ERCC6L2: variants seen among roughly 807,000 people sequenced by gnomAD.
ERCC6L2 encodes DNA excision repair protein ERCC-6-like 2.
ERCC6L2 carries 77 observed loss-of-function variants against 132.0 expected under a neutral mutation model. The observed-to-expected ratio is 0.58, with a 90% CI of 0.49 to 0.71. ERCC6L2 has a LOEUF of 0.71. ERCC6L2 is among the 30% of genes least tolerant of loss of function. ERCC6L2 has a pLI of 0.00. For missense variants in ERCC6L2, 1,542 were observed against 1,837.6 expected, an observed-to-expected ratio of 0.84 and a Z score of 2.94; for synonymous variants, 583 against 632.4, an observed-to-expected ratio of 0.92 and a Z score of 1.17.
At chr9:95,973,790 A>G (rs1832540893) in intron 16 of ERCC6L2, among the ~76,000 whole-genome samples, 1 of 152,160 alleles carries the variant, frequency 6.6e-6, no homozygotes, top group South Asian at 2.1e-4. Flanking sequence ...ATTATGGTTC[A>G]GTCTCATCCA....
chr9:96,026,936 C>T (rs1449584426), intron 19 of ERCC6L2, among the ~76,000 whole-genome samples: 1 of 120,436 alleles, frequency 8.3e-6, no homozygotes, highest in African/African-American at 3.2e-5. Flanking sequence ...ACACCCCACA[C>T]ATACAACACA....
chr9:95,969,164 G>A (rs1215230291), intron 14 of ERCC6L2, among the ~76,000 whole-genome samples: 1 of 152,142 alleles, frequency 6.6e-6, no homozygotes, highest in Non-Finnish European at 1.5e-5. Context: ...CAGCAAGAGA[G>A]CAAGAGATGG....
intron 17 of ERCC6L2, among the ~76,000 whole-genome samples, chr9:96,001,957 C>A (rs1315100938): frequency 6.6e-6 from 1 of 152,256 alleles, no homozygotes. Context: ...CAGCCACTGG[C>A]CCGGGTGCTA....
intron 18 of ERCC6L2, among the ~76,000 whole-genome samples, chr9:96,009,160 C>T (rs1012350851): frequency 2.0e-5 from 3 of 152,190 alleles, no homozygotes; most frequent in Admixed American, 2.0e-4. Flanking sequence ...TTGGAATGGA[C>T]ACAATGCTGT....
chr9:95,907,024 G>T, intron 3 of ERCC6L2, 54 bp from the exon 4 acceptor site: 1 of 1,256,966 alleles, frequency 8.0e-7, no homozygotes, highest in Admixed American at 2.2e-5. Context: ...ATTTCACTTT[G>T]GGATTCTTTT....
At chr9:95,906,807 G>C in intron 3 of ERCC6L2, 1 of 508,878 alleles carries the variant, frequency 2.0e-6, no homozygotes, top group Non-Finnish European at 3.7e-6. Context: ...TCATTTCTCA[G>C]TGCCTTTTTG....
chr9:95,906,141 C>G (rs1459143085), intron 3 of ERCC6L2, among the ~76,000 whole-genome samples: 1 of 152,036 alleles, frequency 6.6e-6, no homozygotes, highest in Non-Finnish European at 1.5e-5. Context: ...GGCACAAGTC[C>G]CATTTACCTG....
Position 95,916,269 on chromosome 9 carries a change from G to T in ERCC6L2, c.993G>T (p.Lys331Asn), listed in dbSNP as rs2132709123. ...GLLGSGTYFK[K>N]QFSDPVEHGQ... ...TAGGGAGTGGGACCTACTTCAAGAAGCAGTTTTCTGACCCAGTAGAACATG... is the reference window on the plus strand; with the variant it reads ...TAGGGAGTGGGACCTACTTCAAGAATCAGTTTTCTGACCCAGTAGAACATG... Residue 331 changes from lysine (K) to asparagine (N), a missense_variant, in exon 6 of 19, where the codon AAG becomes AAT. Around this residue, in one of 4 missense-constraint regions of ERCC6L2, gnomAD observed 945 missense variants for 1,105.2 expected, o/e 0.86. Coordinates refer to ENST00000653738, the MANE Select transcript of ERCC6L2 (RefSeq NM_020207.7). 6.2e-7 allele frequency: 1 copy of T among 1,614,078 alleles called. No individual in the cohort carries two copies. Among genetic ancestry groups the T allele is most frequent in the East Asian group, 2.2e-5 (1 of 44,866 alleles).
chr9:96,006,225 C>T (rs2133208005), intron 18 of ERCC6L2, among the ~76,000 whole-genome samples: 1 of 152,334 alleles, frequency 6.6e-6, no homozygotes, highest in African/African-American at 2.4e-5. Context: ...GGAAAGAAGT[C>T]CCAGGACACA....
chr9:95,922,148 G>A (rs1052433649), intron 7 of ERCC6L2, among the ~76,000 whole-genome samples, 157 bp from the exon 8 acceptor site: 4 of 152,172 alleles, frequency 2.6e-5, no homozygotes, highest in Admixed American at 6.5e-5. Flanking sequence ...TTAGCTATTT[G>A]TGGATATTTT....
chr9:95,915,973 TAG>T, intron 5 of ERCC6L2, 144 bp downstream of exon 5: 2 of 856,202 alleles, frequency 2.3e-6, no homozygotes, highest in Admixed American at 5.9e-5. Flanking sequence ...GTATACACAG[TAG>T]AGAGTCCCAT....
At chr9:95,911,069 G>T (rs903028345) in intron 4 of ERCC6L2, among the ~76,000 whole-genome samples, 5 of 152,062 alleles carry the variant, frequency 3.3e-5, no homozygotes, top group African/African-American at 1.2e-4. Context: ...AAATGTTTTT[G>T]TTTTTTGTAG....
At position 96,016,203 on chromosome 9, in the gene ERCC6L2, T is replaced by A. The variant is rs1355701541; in HGVS notation, c.*3000T>A. ...AATTGGTGATGGATTAGATCAGTGG[T>A]GGTCAGCCATTTTCTTAAAGCAACT... On this transcript the variant is annotated 3_prime_UTR_variant, in exon 19 of 19. Transcript: ENST00000653738. 6.6e-6 allele frequency among the ~76,000 whole-genome samples: 1 copy of A among 152,214 alleles called. No individual in the cohort carries two copies. The highest frequency in any genetic ancestry group is 1.9e-4 in the East Asian group (1 of 5,198).
At chr9:95,922,445 G>T (rs770633172) in intron 8 of ERCC6L2, 27 bp downstream of exon 8, 1 of 1,271,312 alleles carries the variant, frequency 7.9e-7, no homozygotes, top group Non-Finnish European at 1.1e-6. Flanking sequence ...ACATTTCTTT[G>T]TGATGCTATT....
intron 2 of ERCC6L2, among the ~76,000 whole-genome samples, chr9:95,884,346 T>C (rs1370041246): frequency 6.6e-6 from 1 of 152,192 alleles, no homozygotes; most frequent in Non-Finnish European, 1.5e-5. Flanking sequence ...TAGATAAAGC[T>C]TCTATAGATA....
In ERCC6L2 at chr9:95,966,712, G is replaced by A; in HGVS notation, c.2098G>A (p.Glu700Lys). Residue 700 changes from glutamate (E) to lysine (K), a missense_variant and splice_region_variant, in exon 14 of 19, where the codon GAG becomes AAG. Physicochemically the swap from Glu to Lys is moderately conservative, Grantham distance 56. Around this residue, in one of 4 missense-constraint regions of ERCC6L2, gnomAD observed 945 missense variants for 1,105.2 expected, o/e 0.86. Coordinates refer to ENST00000653738, the MANE Select transcript of ERCC6L2 (RefSeq NM_020207.7). Reference sequence around the variant, plus strand: ...GTCTTGTCTTACGAAGGACATCCTGGAGGTGTGAACTTCTTCTCTGACCTT... The same window carrying A: ...GTCTTGTCTTACGAAGGACATCCTGAAGGTGTGAACTTCTTCTCTGACCTT... ...QGSCLTKDIL[E>K]REGQVEAGIM... The A allele has an allele frequency of 6.9e-7, 1 of 1,451,540 alleles. No homozygotes were observed. The highest frequency in any genetic ancestry group is 9.2e-7 in the Non-Finnish European group (1 of 1,082,200). 89.9% of individuals were successfully genotyped at this position (1,451,540 alleles called of 1,614,324 possible).
intron 18 of ERCC6L2, among the ~76,000 whole-genome samples, chr9:96,005,084 C>A (rs1329457131): frequency 6.6e-6 from 1 of 152,092 alleles, no homozygotes; most frequent in Non-Finnish European, 1.5e-5. Context: ...GAGGCCGAGG[C>A]GGGTGGATCA....
intron 12 of ERCC6L2, among the ~76,000 whole-genome samples, chr9:95,952,055 C>G (rs945464952): frequency 2.0e-5 from 3 of 150,064 alleles, no homozygotes; most frequent in African/African-American, 7.4e-5. Flanking sequence ...GTAATCCCAG[C>G]TACTCGGGAG....
downstream of ERCC6L2, chr9:96,020,243 T>G (rs1834261583): frequency 1.2e-5 from 2 of 160,782 alleles, no homozygotes; most frequent in African/African-American, 4.8e-5. Flanking sequence ...CCTCCATGAT[T>G]CAATTACCTC....
Sources: gnomAD v4.1 joint callset for allele counts (sites outside exome capture counted in the v4.1 genomes callset) on GRCh38, gnomAD v4.1.1 for gene constraint, gnomAD v4.1.1 regional missense constraint, MANE v1.5 for transcripts, NCBI Gene and HGNC (gene_info 2026-07-23, HGNC 2026-07-21) for gene names.